The following DLG2 variants were observed in gnomAD, a reference collection of about 807,000 sequenced individuals.
DLG2 encodes disks large homolog 2.
In DLG2, 45 loss-of-function variants were observed where a neutral mutation model predicts 132.5. That is an observed-to-expected ratio of 0.34 (90% CI 0.27 to 0.44). The LOEUF is 0.44. Among genes scored for constraint, DLG2 ranks in the 20% least tolerant of loss-of-function variants. DLG2 has a pLI of 1.00. For missense variants in DLG2, 1,045 were observed against 1,196.9 expected (o/e 0.87, Z 1.87); for synonymous variants, 424 against 419.6 (o/e 1.01, Z -0.13).
chr11:84,048,163 T>C (rs1354683798), intron 11 of DLG2, among the ~76,000 whole-genome samples: 1 of 151,414 alleles, frequency 6.6e-6, no homozygotes, highest in Non-Finnish European at 1.5e-5. Context: ...ATAATAATAA[T>C]AATAATAAAA....
intron 6 of DLG2, among the ~76,000 whole-genome samples, chr11:84,595,048 G>T (rs2099553122): frequency 1.3e-5 from 2 of 152,080 alleles, no homozygotes; most frequent in South Asian, 4.1e-4. Flanking sequence ...AATTACAGCA[G>T]CACTTTGTAA....
intron 18 of DLG2, among the ~76,000 whole-genome samples, chr11:83,773,656 G>C (rs2153795438): frequency 6.6e-6 from 1 of 152,320 alleles, no homozygotes; most frequent in Admixed American, 6.5e-5. Flanking sequence ...TTAACTAACA[G>C]AACTCCCAAC....
chr11:84,758,340 C>G (rs2067166330), intron 6 of DLG2, among the ~76,000 whole-genome samples: 1 of 152,162 alleles, frequency 6.6e-6, no homozygotes, highest in South Asian at 2.1e-4. Flanking sequence ...AATTCTGGCT[C>G]TTAACATTTA....
intron 6 of DLG2, among the ~76,000 whole-genome samples, chr11:85,031,573 C>T (rs2154144931): frequency 6.6e-6 from 1 of 152,198 alleles, no homozygotes; most frequent in Non-Finnish European, 1.5e-5. Flanking sequence ...CACCACATAT[C>T]TCAATTAACT....
At chr11:85,522,231 C>T (rs754601244) in intron 3 of DLG2, among the ~76,000 whole-genome samples, 3 of 152,150 alleles carry the variant, frequency 2.0e-5, no homozygotes, top group Non-Finnish European at 4.4e-5. Flanking sequence ...AGGGTGGAAG[C>T]CCCAAGCCTT....
intron 11 of DLG2, among the ~76,000 whole-genome samples, chr11:84,036,684 A>G (rs1469395289): frequency 6.6e-6 from 1 of 152,156 alleles, no homozygotes; most frequent in East Asian, 1.9e-4. Flanking sequence ...AAAAAATTAT[A>G]AGAAAATCTT....
At chr11:83,886,943 A>C (rs1436746096) in intron 15 of DLG2, among the ~76,000 whole-genome samples, 4 of 152,064 alleles carry the variant, frequency 2.6e-5, no homozygotes. Flanking sequence ...GGACACATTC[A>C]AAGCAGTGTG....
chr11:85,376,310 A>T (rs891094424), intron 3 of DLG2, among the ~76,000 whole-genome samples: 8 of 152,184 alleles, frequency 5.3e-5, no homozygotes, highest in Non-Finnish European at 8.8e-5. Context: ...AAAATAAAAC[A>T]TCATTTGATT....
chr11:84,109,297 G>C (rs749195997), intron 9 of DLG2, among the ~76,000 whole-genome samples: 3 of 152,064 alleles, frequency 2.0e-5, no homozygotes, highest in Non-Finnish European at 4.4e-5. Context: ...CAACTGTAAG[G>C]GTATATGAGA....
intron 5 of DLG2, among the ~76,000 whole-genome samples, chr11:85,119,378 G>T (rs935698459): frequency 3.9e-5 from 6 of 151,944 alleles, no homozygotes; most frequent in Admixed American, 3.9e-4. Flanking sequence ...TCCAAAGTTT[G>T]AGTTATTACT....
At chr11:84,065,581 G>C (rs1454430669) in intron 10 of DLG2, among the ~76,000 whole-genome samples, 1 of 152,190 alleles carries the variant, frequency 6.6e-6, no homozygotes, top group Non-Finnish European at 1.5e-5. Context: ...TGCTGGCAAG[G>C]TTGTGAAGAA....
At chr11:83,875,876 T>C (rs796697019) in intron 15 of DLG2, among the ~76,000 whole-genome samples, 8 of 152,236 alleles carry the variant, frequency 5.3e-5, no homozygotes, top group African/African-American at 1.9e-4. Context: ...GTAGATAATA[T>C]TTGTCTAAGG....
intron 7 of DLG2, among the ~76,000 whole-genome samples, chr11:84,340,388 G>T (rs961260186): frequency 2.0e-5 from 3 of 152,088 alleles, no homozygotes; most frequent in Non-Finnish European, 2.9e-5. Context: ...TGTCAGTGGT[G>T]ATGCAACATC....
At chr11:84,254,303 A>G (rs758482803) in intron 7 of DLG2, among the ~76,000 whole-genome samples, 9 of 152,292 alleles carry the variant, frequency 5.9e-5, no homozygotes, top group Non-Finnish European at 1.2e-4. Flanking sequence ...TTTCCTATGT[A>G]ATGCCATTTA....
At chr11:84,354,918 T>C (rs966702502) in intron 7 of DLG2, among the ~76,000 whole-genome samples, 1 of 152,180 alleles carries the variant, frequency 6.6e-6, no homozygotes, top group Non-Finnish European at 1.5e-5. Flanking sequence ...TCAGAGGGTA[T>C]GGGACATTTA....
chr11:85,422,997 T>C (rs2090438523), intron 3 of DLG2, among the ~76,000 whole-genome samples: 2 of 152,068 alleles, frequency 1.3e-5, no homozygotes, highest in African/African-American at 4.8e-5. Context: ...GTGTGATTTC[T>C]TGGAGGTGTT....
intron 7 of DLG2, among the ~76,000 whole-genome samples, chr11:84,365,837 T>C (rs2098679040): frequency 6.6e-6 from 1 of 152,118 alleles, no homozygotes; most frequent in Admixed American, 6.6e-5. Flanking sequence ...CTATGTCTGA[T>C]TGGTGTACTT....
intron 6 of DLG2, among the ~76,000 whole-genome samples, chr11:84,800,243 C>G (rs1279641747): frequency 6.6e-6 from 1 of 152,136 alleles, no homozygotes; most frequent in Non-Finnish European, 1.5e-5. Context: ...TCTCTCCATT[C>G]TTTACATATA....
At chr11:83,944,988 G>T (rs187281405) in intron 14 of DLG2, among the ~76,000 whole-genome samples, 3 of 152,124 alleles carry the variant, frequency 2.0e-5, no homozygotes, top group African/African-American at 7.2e-5. Context: ...AGTAGAGGAG[G>T]GAAATGGTTG....
Sources: gnomAD v4.1 joint callset for allele counts (sites outside exome capture counted in the v4.1 genomes callset) on GRCh38, gnomAD v4.1.1 for gene constraint, MANE v1.5 for transcripts, NCBI Gene and HGNC (gene_info 2026-07-23, HGNC 2026-07-21) for gene names.